Variants in ZFAND6 observed in about 807,000 individuals in gnomAD.
The protein encoded by ZFAND6 is zinc finger AN1-type containing 6, also known as AN1-type zinc finger protein 6.
ZFAND6 carries 12 observed loss-of-function variants against 24.5 expected under a neutral mutation model. That is an observed-to-expected ratio of 0.49 (90% CI 0.31 to 0.79). ZFAND6 has a LOEUF of 0.79. Among genes scored for constraint, ZFAND6 ranks in the 30% least tolerant of loss-of-function variants. The pLI, the probability that ZFAND6 is intolerant of heterozygous loss-of-function variation, is 0.04. For missense variants in ZFAND6, 207 were observed against 245.9 expected (o/e 0.84, Z 1.06); for synonymous variants, 92 against 81.5 (o/e 1.13, Z -0.69).
At chr15:80,120,602 C>T (rs2040104059) in intron 3 of ZFAND6, 104 bp downstream of exon 3, 3 of 988,658 alleles carry the variant, frequency 3.0e-6, no homozygotes, top group African/African-American at 1.7e-5. Flanking sequence ...ATTTATATTA[C>T]CATATTCATA....
chr15:80,102,399 G>GCC (rs1322218374), intron 2 of ZFAND6, among the ~76,000 whole-genome samples: 2 of 152,122 alleles, frequency 1.3e-5, no homozygotes, highest in Non-Finnish European at 2.9e-5. Flanking sequence ...ACAGGTGTGA[G>GCC]CCCCCGCGCC....
chr15:80,126,591 T>G lies in ZFAND6; in HGVS notation c.364+3791T>G, dbSNP rs2142034307. 1.3e-5 allele frequency among the ~76,000 whole-genome samples: 2 copies of G among 152,306 alleles called. 1 individual carries two copies. Among genetic ancestry groups the G allele is most frequent in the Middle Eastern group, 6.8e-3 (2 of 294 alleles). On this transcript the variant is annotated intron_variant, in intron 5 of 6. Transcript: ENST00000261749. The stretch of plus-strand genomic sequence containing the variant: ...TGCAGGAACAACTTCATATCCACAT[T>G]CGAAAGAATGAATTGGACTCCTATG...
intron 6 of ZFAND6, among the ~76,000 whole-genome samples, chr15:80,136,448 A>G (rs1169496247): frequency 1.3e-5 from 2 of 152,018 alleles, no homozygotes; most frequent in African/African-American, 4.8e-5. Flanking sequence ...CTGGTGACAA[A>G]GTGAGACTCC....
chr15:80,074,732 T>C (rs1006327028), intron 1 of ZFAND6, among the ~76,000 whole-genome samples: 3 of 152,008 alleles, frequency 2.0e-5, no homozygotes, highest in African/African-American at 2.4e-5. Flanking sequence ...TGTTTGTCTT[T>C]AAGAGCATGC....
rs1022382806 is a variant in ZFAND6, at chr15:80,137,878, G to C, written c.*250G>C. ...CATTTTAATTTTAGTTGAGTGCAGA[G>C]GGCTTTTATAACAAACGTGCAGAAA... On this transcript the variant is annotated 3_prime_UTR_variant, in exon 7 of 7. Transcript: ENST00000261749. 3.3e-6 allele frequency: 1 copy of C among 301,792 alleles called. No individual in the cohort carries two copies. The highest frequency in any genetic ancestry group is 6.8e-5 in the South Asian group (1 of 14,780). 18.7% of individuals were successfully genotyped at this position (301,792 alleles called of 1,614,324 possible). A position where few individuals can be genotyped will look rare whatever the true frequency, so the allele number is the denominator to read the frequency against.
intron 2 of ZFAND6, among the ~76,000 whole-genome samples, chr15:80,116,786 A>G (rs574701696): frequency 2.0e-4 from 31 of 152,286 alleles, no homozygotes; most frequent in African/African-American, 6.7e-4. Context: ...TATTTATTTT[A>G]GTTCATCCAC....
chr15:80,088,598 T>G (rs893176292), intron 1 of ZFAND6, among the ~76,000 whole-genome samples: 1 of 152,224 alleles, frequency 6.6e-6, no homozygotes, highest in South Asian at 2.1e-4. Context: ...CCTCACTCTT[T>G]CCTTATGCTT....
chr15:80,111,160 TG>T (rs1380829035), intron 2 of ZFAND6, among the ~76,000 whole-genome samples: 2 of 152,182 alleles, frequency 1.3e-5, no homozygotes, highest in African/African-American at 4.8e-5. Flanking sequence ...GTACCAAAAG[TG>T]TTACTATCAT....
chr15:80,097,092 C>A (rs564999214), intron 1 of ZFAND6, among the ~76,000 whole-genome samples: 1 of 151,734 alleles, frequency 6.6e-6, no homozygotes, highest in Non-Finnish European at 1.5e-5. Context: ...CTCCACCTCC[C>A]AGGTTCAAGT....
At chr15:80,096,932 A>G (rs1235611859) in intron 1 of ZFAND6, among the ~76,000 whole-genome samples, 1 of 152,126 alleles carries the variant, frequency 6.6e-6, no homozygotes, top group Admixed American at 6.5e-5. Context: ...ATCAAAGCCT[A>G]GAATCTTTCT....
At chr15:80,089,607 G>A (rs2038222855) in intron 1 of ZFAND6, among the ~76,000 whole-genome samples, 1 of 152,022 alleles carries the variant, frequency 6.6e-6, no homozygotes, top group African/African-American at 2.4e-5. Flanking sequence ...GAATTGAAAT[G>A]AATATGTAAT....
At chr15:80,107,385 T>A (rs1179621741) in intron 2 of ZFAND6, among the ~76,000 whole-genome samples, 4 of 152,136 alleles carry the variant, frequency 2.6e-5, no homozygotes, top group African/African-American at 9.7e-5. Context: ...CCTTGTCATA[T>A]AACGACAACT....
In ZFAND6 at chr15:80,133,988, G is replaced by T. The variant is rs74026827; in HGVS notation, c.478+2695G>T. 6.0e-3 allele frequency among the ~76,000 whole-genome samples: 838 copies of T among 138,756 alleles called. 9 individuals carry two copies. The highest frequency in any genetic ancestry group is 0.019 in the African/African-American group (743 of 38,222). The allele number at this position is 138,756 out of a possible 152,430, so 91.0% of individuals were successfully genotyped here. On this transcript the variant is annotated intron_variant, in intron 6 of 6. Transcript: ENST00000261749. Reference sequence around the variant, plus strand: ...AGGGACTGCCTTTTAAAGTTGTTGGGTTTTTTTTTTTTTTTTGAGATGGAG... The same window carrying T: ...AGGGACTGCCTTTTAAAGTTGTTGGTTTTTTTTTTTTTTTTTGAGATGGAG...
chr15:80,108,718 G>T (rs2039459329), intron 2 of ZFAND6, among the ~76,000 whole-genome samples: 1 of 147,490 alleles, frequency 6.8e-6, no homozygotes, highest in Admixed American at 7.2e-5. Flanking sequence ...CATGAGGCCA[G>T]GCATCCTTGT....
rs749686925 is a variant in ZFAND6 at position 80,076,625 on chromosome 15, TC to T, written c.-181+16817del. Reference sequence around the variant, plus strand: ...TGGTCCCCACGCTAAGTACTGTTAGTCTTTTCGAACCAGTAAGTCAATTTAG... The same window carrying T: ...TGGTCCCCACGCTAAGTACTGTTAGTTTTTCGAACCAGTAAGTCAATTTAG... On this transcript the variant is annotated intron_variant, in intron 1 of 6. Transcript: ENST00000261749. 8.5e-4 allele frequency among the ~76,000 whole-genome samples: 129 copies of T among 152,206 alleles called. 1 individual carries two copies. The highest frequency in any genetic ancestry group is 1.5e-3 in the Non-Finnish European group (101 of 68,034).
chr15:80,098,179 A>G (rs1396113900), intron 1 of ZFAND6, among the ~76,000 whole-genome samples: 2 of 152,240 alleles, frequency 1.3e-5, no homozygotes, highest in Non-Finnish European at 2.9e-5. Context: ...ATGATTATAT[A>G]AAGTAATCCT....
chr15:80,059,303 A>T (rs537086431), upstream of ZFAND6, among the ~76,000 whole-genome samples: 92 of 152,310 alleles, frequency 6.0e-4, no homozygotes, highest in African/African-American at 2.1e-3. Flanking sequence ...TGGCAAAGGT[A>T]CCTGAACCTA....
intron 2 of ZFAND6, among the ~76,000 whole-genome samples, chr15:80,113,699 TTACTC>T (rs2039724501): frequency 6.6e-6 from 1 of 152,160 alleles, no homozygotes; most frequent in African/African-American, 2.4e-5. Context: ...TGAAGTGTGT[TTACTC>T]AACAAAATAT....
rs200511145 is a variant in ZFAND6 at position 80,067,530 on chromosome 15, TTTC to T, written c.-181+7728_-181+7730del. Among the ~76,000 whole-genome samples the T allele has an allele frequency of 0.021, 3,124 of 152,208 alleles. 228 individuals carry two copies. The East Asian group carries it at 0.22, about 11-fold the overall frequency. The stretch of plus-strand genomic sequence containing the variant: ...TTTGTGTGAATTGTTTTAGCATCTA[TTTC>T]TTCTTCCAGAACCATAGTCTGGTAG... On this transcript the variant is annotated intron_variant, in intron 1 of 6. Coordinates refer to ENST00000261749, the MANE Select transcript of ZFAND6 (RefSeq NM_019006.4).
Sources: gnomAD v4.1 joint callset for allele counts (sites outside exome capture counted in the v4.1 genomes callset) on GRCh38, gnomAD v4.1.1 for gene constraint, MANE v1.5 for transcripts, NCBI Gene and HGNC (gene_info 2026-07-23, HGNC 2026-07-21) for gene names.